GPR55: variants seen among roughly 807,000 people sequenced by gnomAD.
GPR55 encodes G protein-coupled receptor 55.
GPR55 carries 6 observed loss-of-function variants against 7.9 expected under a neutral mutation model. That is an observed-to-expected ratio of 0.76 (90% CI 0.41 to 1.49). The LOEUF (loss-of-function observed/expected upper bound fraction) is 1.49, where lower values mean the gene tolerates loss of function less well. Ranked by LOEUF, GPR55 falls within the 40% of genes most tolerant of loss-of-function variation. The pLI is 0.01. For missense variants in GPR55, 376 were observed against 406.0 expected, an observed-to-expected ratio of 0.93 and a Z score of 0.63; for synonymous variants, 183 against 166.8, an observed-to-expected ratio of 1.10 and a Z score of -0.75.
intron 1 of GPR55, among the ~76,000 whole-genome samples, chr2:230,931,503 C>T (rs573847261): frequency 4.3e-4 from 65 of 152,242 alleles, no homozygotes; most frequent in Non-Finnish European, 6.3e-4. Flanking sequence ...CCTTGCTGAA[C>T]CCTCACCAAC....
chr2:230,932,642 G>T (rs1266938658), intron 1 of GPR55, among the ~76,000 whole-genome samples: 2 of 152,190 alleles, frequency 1.3e-5, no homozygotes, highest in Non-Finnish European at 2.9e-5. Flanking sequence ...CTCGAAACTG[G>T]CCAGGTCCTG....
In GPR55 at chr2:230,911,026, C is replaced by A; in HGVS notation, c.-64G>T. 1 of 1,502,548 alleles carries A rather than the reference C, an allele frequency of 6.7e-7. No homozygotes were observed. The highest frequency in any genetic ancestry group is 1.3e-5 in the South Asian group (1 of 76,212). The allele number at this position is 1,502,548 out of a possible 1,614,324, so 93.1% of individuals were successfully genotyped here. ...TTTCACTCTCTTGAAGTGATGGATT[C>A]AAATGACTTTGTCAAGAATCACAAA... On this transcript the variant is annotated 5_prime_UTR_variant, in exon 2 of 2. Coordinates refer to ENST00000650999, the MANE Select transcript of GPR55 (RefSeq NM_005683.4).
At chr2:230,949,969 G>T (rs1446042418) in intron 1 of GPR55, among the ~76,000 whole-genome samples, 5 of 151,670 alleles carry the variant, frequency 3.3e-5, no homozygotes, top group Non-Finnish European at 7.3e-5. Context: ...AAATAGCTGG[G>T]ATTACAGGCA....
chr2:230,951,633 C>T (rs79205568), intron 1 of GPR55, among the ~76,000 whole-genome samples: 2,280 of 152,216 alleles, frequency 0.015, 25 homozygotes, highest in Admixed American at 0.044. Flanking sequence ...CTGACAGCTC[C>T]GCTTTGTACC....
At chr2:230,931,867 C>T (rs1691045419) in intron 1 of GPR55, among the ~76,000 whole-genome samples, 1 of 152,078 alleles carries the variant, frequency 6.6e-6, no homozygotes, top group Non-Finnish European at 1.5e-5. Context: ...ACCCCAGCCC[C>T]TTTAGCCCAT....
intron 1 of GPR55, among the ~76,000 whole-genome samples, chr2:230,916,227 T>A (rs572401472): frequency 2.6e-4 from 39 of 151,272 alleles, no homozygotes; most frequent in East Asian, 5.8e-4. Context: ...GAAAAAAAAA[T>A]TTTTTTTAGA....
intron 1 of GPR55, among the ~76,000 whole-genome samples, chr2:230,937,847 G>A (rs1019718689): frequency 1.3e-5 from 2 of 152,120 alleles, no homozygotes; most frequent in Admixed American, 6.5e-5. Flanking sequence ...AATTTACTCA[G>A]TAGAACAAGA....
At chr2:230,927,808 TG>T (rs1185950794), upstream of GPR55, among the ~76,000 whole-genome samples, 1 of 152,256 alleles carries the variant, frequency 6.6e-6, no homozygotes, top group East Asian at 1.9e-4. Context: ...CCCCTGACGC[TG>T]GTGAAATTCG....
rs1691285143 is a variant in GPR55, at chr2:230,944,758, T to G, written c.-135+16017A>C. Among the ~76,000 whole-genome samples, 1 of 152,108 alleles carries G rather than the reference T, an allele frequency of 6.6e-6. No individual in the cohort carries two copies. Among genetic ancestry groups the G allele is most frequent in the Non-Finnish European group, 1.5e-5 (1 of 68,018 alleles). On this transcript the variant is annotated intron_variant, in intron 1 of 1. Coordinates refer to the GPR55 transcript ENST00000392039. This position sits in a 1 kb window ranked among gnomAD's most constrained non-coding sequence, Gnocchi z 4.2. ...AAAATTAAAAATAAAAATAACAAAT[T>G]CACATTCCGCTTGTTCATCCTGATT...
At chr2:230,914,971 C>A (rs1240006444) in intron 1 of GPR55, among the ~76,000 whole-genome samples, 2 of 152,138 alleles carry the variant, frequency 1.3e-5, no homozygotes, top group East Asian at 3.8e-4. Flanking sequence ...GAAGGAACAA[C>A]AAGGTGGGAA....
rs1417609460 is a variant in GPR55 at position 230,944,157 on chromosome 2, G to C, written c.-135+16618C>G. Among the ~76,000 whole-genome samples the C allele has an allele frequency of 6.6e-6, 1 of 152,190 alleles. No individual in the cohort carries two copies. Among genetic ancestry groups the C allele is most frequent in the African/African-American group, 2.4e-5 (1 of 41,440 alleles). ...ACAGCATCTTGGTCCCAGATGCCGGGTCCCAGAGAGGACCTCAAGGAGACT... is the reference window on the plus strand; with the variant it reads ...ACAGCATCTTGGTCCCAGATGCCGGCTCCCAGAGAGGACCTCAAGGAGACT... On this transcript the variant is annotated intron_variant, in intron 1 of 1. Transcript: ENST00000392039. The surrounding 1 kb of genome is among the most constrained non-coding windows in gnomAD (Gnocchi z 4.2).
At chr2:230,948,557 G>A (rs1216620717) in intron 1 of GPR55, among the ~76,000 whole-genome samples, 4 of 152,330 alleles carry the variant, frequency 2.6e-5, no homozygotes, top group South Asian at 2.1e-4. Context: ...TTTCCAGGCA[G>A]AGCCAGCATG....
intron 1 of GPR55, among the ~76,000 whole-genome samples, chr2:230,917,529 C>T (rs551203881): frequency 5.3e-5 from 8 of 152,124 alleles, no homozygotes; most frequent in South Asian, 2.1e-4. Flanking sequence ...ACAGCCTGGC[C>T]GGGTGCAGTG....
intron 1 of GPR55, among the ~76,000 whole-genome samples, chr2:230,960,547 C>A (rs1691551775): frequency 6.6e-6 from 1 of 151,938 alleles, no homozygotes; most frequent in South Asian, 2.1e-4. Flanking sequence ...GAGGTAGAAT[C>A]CCAGTATAAA....
At chr2:230,917,835 A>G (rs925324890) in intron 1 of GPR55, among the ~76,000 whole-genome samples, 11 of 152,164 alleles carry the variant, frequency 7.2e-5, no homozygotes, top group Admixed American at 3.9e-4. Flanking sequence ...GTCTCAAAAT[A>G]ATAACAAAAA....
chr2:230,935,191 C>T (rs978683557), intron 1 of GPR55, among the ~76,000 whole-genome samples: 7 of 152,108 alleles, frequency 4.6e-5, no homozygotes, highest in African/African-American at 9.7e-5. Flanking sequence ...TCAGACAAAG[C>T]GGCGGTGTTT....
Position 230,944,046 on chromosome 2 carries a change from G to A in GPR55, c.-135+16729C>T, listed in dbSNP as rs1005095091. Among the ~76,000 whole-genome samples, 1 of 152,202 alleles carries A rather than the reference G, an allele frequency of 6.6e-6. No individual in the cohort carries two copies. Among genetic ancestry groups the A allele is most frequent in the Admixed American group, 6.5e-5 (1 of 15,284 alleles). On this transcript the variant is annotated intron_variant, in intron 1 of 1. Transcript: ENST00000392039. This position sits in a 1 kb window ranked among gnomAD's most constrained non-coding sequence, Gnocchi z 4.2. ...CCTCGGGCTGTCCCTCTTCTCCCTGGCCCTAGCCCAGGAGGAGGACCAGCA... is the reference window on the plus strand; with the variant it reads ...CCTCGGGCTGTCCCTCTTCTCCCTGACCCTAGCCCAGGAGGAGGACCAGCA...
upstream of GPR55, among the ~76,000 whole-genome samples, chr2:230,928,041 A>C (rs1690971783): frequency 6.6e-6 from 1 of 152,210 alleles, no homozygotes; most frequent in African/African-American, 2.4e-5. Context: ...GGAGGAGGGC[A>C]GCCCAGGTGC....
At chr2:230,925,308 G>C (rs1690924253), upstream of GPR55, 1 of 152,664 alleles carries the variant, frequency 6.6e-6, no homozygotes, top group East Asian at 1.9e-4. Context: ...GGTGGGACCA[G>C]ATGCTCTTTG....
Sources: allele counts gnomAD v4.1 joint callset (sites outside exome capture counted in the v4.1 genomes callset), GRCh38; gene constraint gnomAD v4.1.1; non-coding constraint Gnocchi (gnomAD v3.1); transcripts MANE v1.5; gene names NCBI Gene and HGNC (gene_info 2026-07-23, HGNC 2026-07-21).